VPS13C: variants seen among roughly 807,000 people sequenced by gnomAD.
The protein encoded by VPS13C is intermembrane lipid transfer protein VPS13C.
VPS13C carries 358 observed loss-of-function variants against 456.8 expected under a neutral mutation model. The observed-to-expected ratio is 0.78, with a 90% CI of 0.72 to 0.86. The LOEUF (loss-of-function observed/expected upper bound fraction) is 0.86. Ranked by LOEUF, VPS13C falls within the 40% of genes least tolerant of loss-of-function variation. The probability of loss-of-function intolerance (pLI) is 0.00; values close to 1 mark genes in which losing one functional copy is unlikely to be tolerated. For synonymous variants in VPS13C, 1,578 were observed against 1,486.7 expected (o/e 1.06, Z -1.41); for missense variants, 4,818 against 4,385.4 (o/e 1.10, Z -2.79).
At chr15:61,993,959 CAT>C (rs113931101) in intron 16 of VPS13C, among the ~76,000 whole-genome samples, 51 of 148,048 alleles carry the variant, frequency 3.4e-4, no homozygotes, top group Admixed American at 3.4e-4. Context: ...TATTTCAAAG[CAT>C]ATATATATAT....
At position 61,890,306 on chromosome 15, in the gene VPS13C, T is replaced by C; in HGVS notation, c.9200A>G (p.Asp3067Gly). 2 of 1,614,106 alleles carry C rather than the reference T, an allele frequency of 1.2e-6. No individual in the cohort carries two copies. The highest frequency in any genetic ancestry group is 2.2e-5 in the South Asian group (2 of 91,072). Reference sequence around the variant, plus strand: ...CAGTGCTTTGGAAACCAAGGCAACATCATCGGTGAAAAGCAAAACTCTCTG... The same window carrying C: ...CAGTGCTTTGGAAACCAAGGCAACACCATCGGTGAAAAGCAAAACTCTCTG... Reference protein sequence around the residue: ...GRQRVLLFTDDVALVSKALQA... With the variant: ...GRQRVLLFTDGVALVSKALQA... The change falls in exon 67 of 85, where the codon GAT becomes GGT. Residue 3067 changes from aspartate to glycine, a missense_variant. Transcript: ENST00000644861.
intron 71 of VPS13C, 54 bp from the exon 72 acceptor site, chr15:61,881,008 C>A: frequency 7.0e-7 from 1 of 1,435,566 alleles, no homozygotes; most frequent in East Asian, 2.3e-5. Flanking sequence ...TTTTAATTTT[C>A]AATGTTAAAA....
At chr15:61,874,281 A>G (rs1256856515) in intron 77 of VPS13C, among the ~76,000 whole-genome samples, 6 of 152,054 alleles carry the variant, frequency 3.9e-5, no homozygotes, top group African/African-American at 1.2e-4. Context: ...TAGGGTGACT[A>G]TAGTTAACAA....
intron 15 of VPS13C, among the ~76,000 whole-genome samples, chr15:62,004,304 G>A (rs199544745): frequency 0.058 from 8,797 of 151,886 alleles, 330 homozygotes; most frequent in Non-Finnish European, 0.083. Flanking sequence ...TAGTTTATTT[G>A]CATAGAGGTG....
chr15:61,963,104 G>A (rs2045266125), intron 32 of VPS13C, among the ~76,000 whole-genome samples: 1 of 151,882 alleles, frequency 6.6e-6, no homozygotes, highest in Non-Finnish European at 1.5e-5. Context: ...GATTATCTCA[G>A]GATTTAAGTA....
intron 1 of VPS13C, among the ~76,000 whole-genome samples, chr15:62,058,463 A>C (rs1489356368): frequency 6.6e-6 from 1 of 152,220 alleles, no homozygotes; most frequent in African/African-American, 2.4e-5. Flanking sequence ...TCGGGGGGAA[A>C]AAATAAAAAG....
chr15:61,996,548 C>T (rs1166508381), intron 16 of VPS13C, among the ~76,000 whole-genome samples: 2 of 151,894 alleles, frequency 1.3e-5, no homozygotes, highest in East Asian at 1.9e-4. Flanking sequence ...CAGATAACTT[C>T]GATGTCTGAT....
intron 66 of VPS13C, among the ~76,000 whole-genome samples, chr15:61,895,305 A>C (rs2042774332): frequency 6.6e-6 from 1 of 152,162 alleles, no homozygotes; most frequent in Non-Finnish European, 1.5e-5. Flanking sequence ...TTAAGAATCT[A>C]GAAAAGCAAG....
Position 61,947,277 on chromosome 15 carries a change from C to A in VPS13C, c.4792G>T (p.Asp1598Tyr). Residue 1598 changes from aspartate to tyrosine, a missense_variant, in exon 43 of 85, where the codon GAT becomes TAT. By Grantham distance (160) the Asp-to-Tyr change is radical (BLOSUM62 -3). Transcript: ENST00000644861. ...TTTAATTCAGCTGTGATCTTTAAAT[C>A]AAACACATCCTTTTGGGAAATGTTG... ...SSNISQKDVF[D>Y]LKITAELNAF... 1 of 1,608,824 alleles carries A rather than the reference C, an allele frequency of 6.2e-7. No homozygotes were observed. The highest frequency in any genetic ancestry group is 1.1e-5 in the South Asian group (1 of 89,854).
At chr15:61,989,807 G>A (rs1004770463) in intron 18 of VPS13C, among the ~76,000 whole-genome samples, 2 of 152,176 alleles carry the variant, frequency 1.3e-5, no homozygotes, top group Admixed American at 6.5e-5. Context: ...TGGTGAAGAC[G>A]TGAAGCAATA....
intron 18 of VPS13C, among the ~76,000 whole-genome samples, chr15:61,985,206 CCACT>C (rs1310500303): frequency 1.3e-5 from 2 of 152,080 alleles, no homozygotes; most frequent in Non-Finnish European, 2.9e-5. Context: ...ACAAAATTGT[CCACT>C]CAAATAGGAT....
chr15:61,989,702 G>A (rs999493868), intron 18 of VPS13C, among the ~76,000 whole-genome samples: 2 of 152,022 alleles, frequency 1.3e-5, no homozygotes, highest in African/African-American at 2.4e-5. Context: ...AATTAAAACC[G>A]TAATATTACA....
chr15:61,871,056 G>A (rs1894989547), intron 79 of VPS13C, among the ~76,000 whole-genome samples: 2 of 152,058 alleles, frequency 1.3e-5, no homozygotes, highest in Non-Finnish European at 2.9e-5. Context: ...TCTGTGGGCT[G>A]TCTTTTCCCT....
intron 81 of VPS13C, chr15:61,864,802 A>G: frequency 1.0e-6 from 1 of 985,032 alleles, no homozygotes; most frequent in Non-Finnish European, 1.2e-6. Context: ...AAAATCTTTT[A>G]ACACTTTTGC....
rs1378197823 is a variant in VPS13C at position 61,972,779 on chromosome 15, C to T, written c.2618-15G>A. 6.2e-7 allele frequency: 1 copy of T among 1,600,644 alleles called. No individual in the cohort carries two copies. The highest frequency in any genetic ancestry group is 1.3e-5 in the African/African-American group (1 of 74,554). The stretch of plus-strand genomic sequence containing the variant: ...ATCATCAGACTCTAAAGGAAAAAGA[C>T]ATTTATTTGATCTGAGACAATGTAC... On this transcript the variant is annotated splice_polypyrimidine_tract_variant and intron_variant, in intron 26 of 84. Transcript: ENST00000644861.
intron 12 of VPS13C, among the ~76,000 whole-genome samples, chr15:62,011,007 A>G (rs1024426033): frequency 8.5e-5 from 13 of 152,158 alleles, no homozygotes; most frequent in African/African-American, 3.1e-4. Flanking sequence ...AATCACTAGC[A>G]GAATTTAGTA....
At position 62,033,528 on chromosome 15, in the gene VPS13C, C is replaced by T; in HGVS notation, c.298G>A (p.Ala100Thr). Residue 100 changes from alanine (A) to threonine (T), a missense_variant, in exon 5 of 85, where the codon GCT (alanine) becomes ACT (threonine). This residue lies in a region of VPS13C where 4,552 missense variants were observed against 4,130.6 expected (regional missense o/e 1.10). Transcript: ENST00000644861. ...TGCAAGGATTTTTCTTCTTTTACAG[C>T]ATCATACTTAATACCTAAAAATATA... The part of the protein sequence containing the change: ...VVPGASIKYD[A>T]VKEEKSLQDV... The T allele has an allele frequency of 6.3e-7, 1 of 1,599,020 alleles. No homozygotes were observed. The highest frequency in any genetic ancestry group is 1.7e-4 in the Middle Eastern group (1 of 6,006).
chr15:61,927,547 C>A (rs1307998800), intron 51 of VPS13C, among the ~76,000 whole-genome samples: 2 of 152,204 alleles, frequency 1.3e-5, no homozygotes, highest in Non-Finnish European at 2.9e-5. Flanking sequence ...ACCATTACCA[C>A]TTTGACCTAG....
chr15:61,954,626 A>G, intron 37 of VPS13C, 72 bp from the exon 38 acceptor site: 6 of 1,446,714 alleles, frequency 4.1e-6, no homozygotes, highest in Non-Finnish European at 5.5e-6. Flanking sequence ...GTGGACTTAT[A>G]TGAGTATTCT....
Sources: gnomAD v4.1 joint callset for allele counts (sites outside exome capture counted in the v4.1 genomes callset) on GRCh38, gnomAD v4.1.1 for gene constraint, gnomAD v4.1.1 regional missense constraint, MANE v1.5 for transcripts, NCBI Gene and HGNC (gene_info 2026-07-23, HGNC 2026-07-21) for gene names.